The following ARFGEF1 variants were observed in gnomAD, a reference collection of about 807,000 sequenced individuals.
The protein encoded by ARFGEF1 is ARF guanine nucleotide exchange factor 1, also known as brefeldin A-inhibited guanine nucleotide-exchange protein 1.
In ARFGEF1, 42 loss-of-function variants were observed where a neutral mutation model predicts 231.0. The ratio of observed to expected loss-of-function variants is 0.18; its 90% CI spans 0.14 to 0.24. The LOEUF is 0.24. Ranked by LOEUF, ARFGEF1 falls within the 10% of genes least tolerant of loss-of-function variation. The pLI, the probability that ARFGEF1 is intolerant of heterozygous loss-of-function variation, is 1.00. For synonymous variants in ARFGEF1, 710 were observed against 732.3 expected, an observed-to-expected ratio of 0.97 and a Z score of 0.49; for missense variants, 1,345 against 2,192.0, an observed-to-expected ratio of 0.61 and a Z score of 7.72.
intron 14 of ARFGEF1, among the ~76,000 whole-genome samples, chr8:67,262,985 C>T (rs536300706): frequency 2.0e-5 from 3 of 152,072 alleles, no homozygotes; most frequent in Admixed American, 6.6e-5. Flanking sequence ...TAAGGTACTC[C>T]GAATATACAT....
intron 23 of ARFGEF1, among the ~76,000 whole-genome samples, chr8:67,231,954 C>T (rs530121880): frequency 1.5e-3 from 221 of 151,756 alleles, no homozygotes; most frequent in African/African-American, 5.1e-3. Flanking sequence ...AGGCAAATGA[C>T]TCTCCTCTTA....
intron 19 of ARFGEF1, among the ~76,000 whole-genome samples, chr8:67,243,468 C>T (rs186536515): frequency 2.6e-5 from 4 of 152,284 alleles, no homozygotes; most frequent in Non-Finnish European, 5.9e-5. Flanking sequence ...GACTCATTCA[C>T]TATCACAAGA....
At chr8:67,209,532 G>A (rs1167775556) in intron 34 of ARFGEF1, among the ~76,000 whole-genome samples, 1 of 152,106 alleles carries the variant, frequency 6.6e-6, no homozygotes, top group Non-Finnish European at 1.5e-5. Flanking sequence ...TGTACTAAAT[G>A]CCACTGAATT....
intron 19 of ARFGEF1, 134 bp downstream of exon 19, chr8:67,251,165 G>T: frequency 2.5e-6 from 2 of 807,490 alleles, no homozygotes; most frequent in Non-Finnish European, 3.4e-6. Context: ...TAAATAACAT[G>T]TTATATGAAT....
chr8:67,340,787 G>A (rs553908322), intron 1 of ARFGEF1, among the ~76,000 whole-genome samples: 3 of 152,048 alleles, frequency 2.0e-5, no homozygotes, highest in East Asian at 3.9e-4. Context: ...CACATTCCTC[G>A]TAACAAGCTT....
intron 26 of ARFGEF1, 36 bp downstream of exon 26, chr8:67,227,411 T>G: frequency 6.2e-7 from 1 of 1,603,716 alleles, no homozygotes; most frequent in South Asian, 1.1e-5. Flanking sequence ...AACAACAAGA[T>G]TTTCCTTCTA....
intron 5 of ARFGEF1, among the ~76,000 whole-genome samples, chr8:67,185,525 A>G (rs1016963627): frequency 6.6e-5 from 10 of 152,190 alleles, no homozygotes; most frequent in African/African-American, 2.2e-4. Context: ...GGGGGCTTTG[A>G]AATAACATCA....
At chr8:67,300,467 T>C (rs571252239) in intron 3 of ARFGEF1, among the ~76,000 whole-genome samples, 43 of 152,214 alleles carry the variant, frequency 2.8e-4, no homozygotes, top group African/African-American at 1.0e-3. Context: ...ATCGCTAAAG[T>C]ATAGCAGTTA....
At chr8:67,331,678 A>G (rs1587336825) in intron 1 of ARFGEF1, among the ~76,000 whole-genome samples, 1 of 152,230 alleles carries the variant, frequency 6.6e-6, no homozygotes, top group Non-Finnish European at 1.5e-5. Flanking sequence ...ATGAAAGTAC[A>G]GATATCCTAA....
downstream of ARFGEF1, chr8:67,195,488 A>T (rs760969187): frequency 2.5e-6 from 4 of 1,614,118 alleles, no homozygotes; most frequent in South Asian, 4.4e-5. Flanking sequence ...GCACTTCAGA[A>T]ACGCTGAAAC....
intron 1 of ARFGEF1, among the ~76,000 whole-genome samples, chr8:67,327,799 T>C (rs774754075): frequency 6.6e-6 from 1 of 152,236 alleles, no homozygotes; most frequent in African/African-American, 2.4e-5. Flanking sequence ...CTTTTTCCAA[T>C]CATTCATCTT....
At position 67,197,797 on chromosome 8, in the gene ARFGEF1, T is replaced by G; in HGVS notation, c.*1137A>C. 1.0e-6 allele frequency: 1 copy of G among 985,896 alleles called. No homozygotes were observed. The highest frequency in any genetic ancestry group is 5.2e-4 in the Middle Eastern group (1 of 1,914). 61.1% of individuals were successfully genotyped at this position (985,896 alleles called of 1,614,324 possible). On this transcript the variant is annotated 3_prime_UTR_variant, in exon 39 of 39. Coordinates refer to ENST00000262215, the MANE Select transcript of ARFGEF1 (RefSeq NM_006421.5). ...AAACTTTACATCTGTACCATATACA[T>G]TTTGTCCATCTGAAAAAATTTTCTA... is the stretch of plus-strand genomic sequence containing the variant.
intron 5 of ARFGEF1, among the ~76,000 whole-genome samples, chr8:67,186,816 A>G (rs996977186): frequency 3.3e-5 from 5 of 152,246 alleles, no homozygotes; most frequent in Non-Finnish European, 7.3e-5. Flanking sequence ...AAGCAGTTAT[A>G]ATCAAGTTGT....
intron 38 of ARFGEF1, chr8:67,199,941 C>T: frequency 4.1e-6 from 1 of 241,650 alleles, no homozygotes; most frequent in Non-Finnish European, 8.4e-6. Context: ...AGATGAGGCC[C>T]ATTCACTAGG....
intron 1 of ARFGEF1, among the ~76,000 whole-genome samples, chr8:67,317,987 C>T (rs1302625768): frequency 6.6e-6 from 1 of 151,516 alleles, no homozygotes; most frequent in Admixed American, 6.6e-5. Flanking sequence ...CCTGTAATTC[C>T]AGCACTTTGG....
At chr8:67,315,233 T>C (rs1807253535) in intron 1 of ARFGEF1, among the ~76,000 whole-genome samples, 5 of 152,108 alleles carry the variant, frequency 3.3e-5, no homozygotes, top group African/African-American at 1.2e-4. Flanking sequence ...AATGTGTATA[T>C]AACAAAGAGC....
chr8:67,285,807 A>G (rs1012729922), intron 7 of ARFGEF1, among the ~76,000 whole-genome samples: 1 of 152,196 alleles, frequency 6.6e-6, no homozygotes, highest in Middle Eastern at 3.2e-3. Context: ...ATCTACTCAT[A>G]TAGGATGGTA....
intron 1 of ARFGEF1, among the ~76,000 whole-genome samples, chr8:67,342,926 T>TA: frequency 6.6e-6 from 1 of 152,210 alleles, no homozygotes; most frequent in African/African-American, 2.4e-5. Context: ...CCCGCGATCC[T>TA]AAGCCCTGCC....
intron 1 of ARFGEF1, among the ~76,000 whole-genome samples, chr8:67,308,373 G>C (rs1405990556): frequency 6.6e-6 from 1 of 152,230 alleles, no homozygotes; most frequent in African/African-American, 2.4e-5. Flanking sequence ...GCAAATGGGA[G>C]AGACAGCTAC....
Sources: allele counts gnomAD v4.1 joint callset (sites outside exome capture counted in the v4.1 genomes callset), GRCh38; gene constraint gnomAD v4.1.1; transcripts MANE v1.5; gene names NCBI Gene and HGNC (gene_info 2026-07-23, HGNC 2026-07-21).